SNRPN: variants seen among roughly 807,000 people sequenced by gnomAD.
The protein encoded by SNRPN is small nuclear ribonucleoprotein-associated protein N.
A neutral mutation model predicts 25.2 loss-of-function variants in SNRPN; 7 were observed. The observed-to-expected ratio is 0.28, with a 90% CI of 0.16 to 0.52. SNRPN has a LOEUF of 0.52. Among genes scored for constraint, SNRPN ranks in the 20% least tolerant of loss-of-function variants. The pLI, the probability that SNRPN is intolerant of heterozygous loss-of-function variation, is 0.96. For synonymous variants in SNRPN, 124 were observed against 110.6 expected, an observed-to-expected ratio of 1.12 and a Z score of -0.76; for missense variants, 196 against 322.5, an observed-to-expected ratio of 0.61 and a Z score of 3.00.
rs150184526 is a variant in SNRPN, at chr15:24,949,798, A to G, written c.-390-12316A>G. Among the ~76,000 whole-genome samples, 80 of 151,362 alleles carry G rather than the reference A, an allele frequency of 5.3e-4. 1 individual carries two copies. Among genetic ancestry groups the G allele is most frequent in the African/African-American group, 1.7e-3 (71 of 41,314 alleles). On this transcript the variant is annotated intron_variant, in intron 3 of 11. Transcript: ENST00000400097. ...TAGCAGAATGATATTCCATTGTACCATGCCATAGTTGTTTCCTTTTTCTTT... is the reference window on the plus strand; with the variant it reads ...TAGCAGAATGATATTCCATTGTACCGTGCCATAGTTGTTTCCTTTTTCTTT...
intron 1 of SNRPN, among the ~76,000 whole-genome samples, chr15:24,828,047 A>G (rs4541055): frequency 0.54 from 81,809 of 151,764 alleles, 22,618 homozygotes; most frequent in East Asian, 0.81. Flanking sequence ...CATATTTTAT[A>G]TTTATGGAAA....
intron 1 of SNRPN, among the ~76,000 whole-genome samples, chr15:24,861,902 C>A (rs1222947716): frequency 7.0e-6 from 1 of 143,428 alleles, no homozygotes; most frequent in Non-Finnish European, 1.5e-5. Flanking sequence ...AGTTCTAAAC[C>A]AGACTTTAAT....
chr15:24,958,386 C>CCTTT (rs1400673835), intron 1 of SNRPN, among the ~76,000 whole-genome samples: 10 of 124,216 alleles, frequency 8.1e-5, no homozygotes, highest in African/African-American at 2.8e-4. Flanking sequence ...GTCCTGTCTC[C>CCTTT]TTTTTTTTTT....
intron 3 of SNRPN, among the ~76,000 whole-genome samples, chr15:24,946,026 C>T (rs2153124955): frequency 6.6e-6 from 1 of 152,228 alleles, no homozygotes; most frequent in East Asian, 1.9e-4. Flanking sequence ...TGTGTTTTTA[C>T]CCATCTTTCT....
In SNRPN at chr15:24,864,348, T is replaced by C. The variant is rs1182164073; in HGVS notation, c.-579+7632T>C. Among the ~76,000 whole-genome samples the C allele has an allele frequency of 7.9e-3, 1,163 of 146,810 alleles. 16 individuals carry two copies. Among genetic ancestry groups the C allele is most frequent in the African/African-American group, 0.017 (676 of 40,352 alleles). ...CGGCCCCTCTTCTTTTCTTTTTTTT[T>C]TTTTTTTTTTTTTTGGTGGAATTTT... On this transcript the variant is annotated intron_variant, in intron 1 of 11. Transcript: ENST00000400097.
chr15:24,937,439 T>G (rs556632141), intron 3 of SNRPN, among the ~76,000 whole-genome samples: 1 of 151,954 alleles, frequency 6.6e-6, no homozygotes, highest in East Asian at 1.9e-4. Context: ...GAGGCTGAGG[T>G]GGGAGGACTG....
intron 2 of SNRPN, among the ~76,000 whole-genome samples, chr15:24,906,201 C>A (rs1334611663): frequency 6.6e-6 from 1 of 152,168 alleles, no homozygotes; most frequent in Non-Finnish European, 1.5e-5. Context: ...TCCCAGGTCA[C>A]TTCAACCTCC....
intron 3 of SNRPN, among the ~76,000 whole-genome samples, chr15:24,923,064 C>T (rs2060131748): frequency 6.6e-6 from 1 of 151,924 alleles, no homozygotes; most frequent in African/African-American, 2.4e-5. Flanking sequence ...TGCCACCACA[C>T]CCAGCTAATT....
intron 3 of SNRPN, among the ~76,000 whole-genome samples, chr15:24,941,697 CACA>C (rs918361701): frequency 2.0e-5 from 3 of 152,192 alleles, no homozygotes; most frequent in African/African-American, 7.2e-5. Flanking sequence ...CACTAGCCAG[CACA>C]ACAATTCCCT....
intron 2 of SNRPN, among the ~76,000 whole-genome samples, chr15:24,965,199 G>A (rs1462225356): frequency 6.6e-6 from 1 of 152,104 alleles, no homozygotes; most frequent in East Asian, 1.9e-4. Flanking sequence ...AGTAGTATTG[G>A]GAGGCAGTCT....
intron 3 of SNRPN, among the ~76,000 whole-genome samples, chr15:24,947,175 G>T (rs553108104): frequency 1.3e-5 from 2 of 152,202 alleles, no homozygotes; most frequent in South Asian, 2.1e-4. Flanking sequence ...ATATTTTAGT[G>T]TGTATAATTA....
intron 2 of SNRPN, among the ~76,000 whole-genome samples, chr15:24,889,716 G>T (rs960174134): frequency 1.3e-5 from 2 of 151,930 alleles, no homozygotes; most frequent in African/African-American, 4.8e-5. Flanking sequence ...ATCCCTACAT[G>T]TTCATGTTGT....
intron 2 of SNRPN, among the ~76,000 whole-genome samples, chr15:24,848,085 C>T (rs184556585): frequency 3.9e-5 from 6 of 152,092 alleles, no homozygotes. Context: ...CCTGGTCCCC[C>T]GCGATTCTGA....
At chr15:24,968,333 T>C (rs888789548) in intron 3 of SNRPN, 2 of 291,932 alleles carry the variant, frequency 6.9e-6, no homozygotes, top group African/African-American at 2.2e-5. Flanking sequence ...TTTTTAATTA[T>C]ATAAAAATAT....
At position 24,872,636 on chromosome 15, in the gene SNRPN, C is replaced by G. The variant is rs1226809265; in HGVS notation, c.-578-13880C>G. On this transcript the variant is annotated intron_variant, in intron 1 of 11. Coordinates refer to the SNRPN transcript ENST00000400097. ...TGAAACATGCCTGTAATCCCACCTACTTGGCAGGCTGAGACAGCAGAATCG... is the reference window on the plus strand; with the variant it reads ...TGAAACATGCCTGTAATCCCACCTAGTTGGCAGGCTGAGACAGCAGAATCG... 3.6e-5 allele frequency among the ~76,000 whole-genome samples: 4 copies of G among 111,538 alleles called. 1 individual carries two copies. Among genetic ancestry groups the G allele is most frequent in the African/African-American group, 9.3e-5 (3 of 32,294 alleles). The allele number at this position is 111,538 out of a possible 152,430, so 73.2% of individuals were successfully genotyped here.
At chr15:24,887,797 G>A (rs1285292638) in intron 2 of SNRPN, among the ~76,000 whole-genome samples, 1 of 152,116 alleles carries the variant, frequency 6.6e-6, no homozygotes. Flanking sequence ...CCAAATGAGT[G>A]AGGATGGTCT....
At chr15:24,858,577 A>T (rs2053655896) in intron 1 of SNRPN, among the ~76,000 whole-genome samples, 3 of 152,008 alleles carry the variant, frequency 2.0e-5, no homozygotes. Flanking sequence ...CGGGTGGATC[A>T]TAAGGCCAGG....
chr15:24,961,029 C>G (rs1421268006), intron 1 of SNRPN, among the ~76,000 whole-genome samples: 1 of 151,760 alleles, frequency 6.6e-6, no homozygotes, highest in Admixed American at 6.6e-5. Flanking sequence ...AATATTTTTT[C>G]CTATTCTGGT....
At chr15:24,834,957 G>GTA (rs58935846) in intron 2 of SNRPN, among the ~76,000 whole-genome samples, 9,500 of 20,738 alleles carry the variant, frequency 0.46, 3,113 homozygotes, top group East Asian at 0.84. Context: ...AATATATATA[G>GTA]TATATATAGT....
Sources: gnomAD v4.1 joint callset for allele counts (sites outside exome capture counted in the v4.1 genomes callset) on GRCh38, gnomAD v4.1.1 for gene constraint, MANE v1.5 for transcripts, NCBI Gene and HGNC (gene_info 2026-07-23, HGNC 2026-07-21) for gene names.